The following CDK5RAP2 variants were observed in gnomAD, a reference collection of about 807,000 sequenced individuals.
CDK5RAP2 encodes CDK5 regulatory subunit-associated protein 2.
Under a neutral mutation model 232.9 loss-of-function variants are expected in CDK5RAP2, and 147 were observed. The ratio of observed to expected loss-of-function variants is 0.63; its 90% CI spans 0.55 to 0.72. The LOEUF (loss-of-function observed/expected upper bound fraction) is 0.72. CDK5RAP2 is among the 30% of genes least tolerant of loss of function. The pLI, the probability that CDK5RAP2 is intolerant of heterozygous loss-of-function variation, is 0.00. For missense variants in CDK5RAP2, 2,195 were observed against 2,231.5 expected, an observed-to-expected ratio of 0.98 and a Z score of 0.33; for synonymous variants, 833 against 833.7, an observed-to-expected ratio of 1.00 and a Z score of 0.01.
chr9:120,430,575 C>A (rs1659116384), intron 25 of CDK5RAP2, among the ~76,000 whole-genome samples: 1 of 152,148 alleles, frequency 6.6e-6, no homozygotes, highest in Non-Finnish European at 1.5e-5. Flanking sequence ...CCATCTCACA[C>A]CAGTTACAAT....
intron 9 of CDK5RAP2, 114 bp downstream of exon 9, chr9:120,528,630 C>T (rs540744777): frequency 1.5e-5 from 11 of 739,214 alleles, no homozygotes; most frequent in Non-Finnish European, 2.0e-5. Context: ...CATACAGTAG[C>T]ATTCAATGAG....
At chr9:120,559,898 T>C (rs2132120217) in intron 3 of CDK5RAP2, among the ~76,000 whole-genome samples, 1 of 152,278 alleles carries the variant, frequency 6.6e-6, no homozygotes, top group South Asian at 2.1e-4. Flanking sequence ...TCCCATTCTC[T>C]GTCAAAAGCC....
intron 15 of CDK5RAP2, among the ~76,000 whole-genome samples, chr9:120,476,977 C>CATGACCTTAT (rs1280511642): frequency 1.3e-5 from 2 of 152,200 alleles, no homozygotes; most frequent in Non-Finnish European, 2.9e-5. Flanking sequence ...TCTTAGTTTT[C>CATGACCTTAT]ATGACCTTAT....
At chr9:120,573,282 C>T (rs939888051) in intron 1 of CDK5RAP2, among the ~76,000 whole-genome samples, 6 of 152,204 alleles carry the variant, frequency 3.9e-5, no homozygotes, top group African/African-American at 1.4e-4. Context: ...GGTGCAGTGA[C>T]TCATGCCTAT....
chr9:120,442,177 T>A (rs565396700), intron 23 of CDK5RAP2, among the ~76,000 whole-genome samples: 1 of 152,334 alleles, frequency 6.6e-6, no homozygotes, highest in African/African-American at 2.4e-5. Context: ...AGTTGAGGCT[T>A]AGGGAGCTTA....
chr9:120,552,268 T>C (rs1262207241), intron 3 of CDK5RAP2, among the ~76,000 whole-genome samples: 1 of 151,890 alleles, frequency 6.6e-6, no homozygotes, highest in East Asian at 1.9e-4. Context: ...GTTCAACCAT[T>C]GTGGAAGTCA....
In CDK5RAP2 at chr9:120,419,917, A is replaced by T; in HGVS notation, c.4048T>A (p.Ser1350Thr). The T allele has an allele frequency of 6.2e-7, 1 of 1,614,058 alleles. No homozygotes were observed. The highest frequency in any genetic ancestry group is 8.5e-7 in the Non-Finnish European group (1 of 1,179,920). ...NLTYQHLLPE[S>T]PEPSASHALS... ...GCATGAGAGGCTGAAGGCTCAGGAG[A>T]TTCAGGCAGAAGATGTTGGTAGGTT... The change falls in exon 27 of 38, where the codon TCT becomes ACT. Residue 1350 changes from serine (S) to threonine (T), a missense_variant. Transcript: ENST00000349780.
chr9:120,556,251 T>G (rs2042223831), intron 3 of CDK5RAP2, among the ~76,000 whole-genome samples: 1 of 152,186 alleles, frequency 6.6e-6, no homozygotes, highest in Non-Finnish European at 1.5e-5. Flanking sequence ...GTGCATTTTA[T>G]TTTATGTAAA....
At chr9:120,442,414 T>G (rs1169867077) in intron 23 of CDK5RAP2, among the ~76,000 whole-genome samples, 1 of 152,150 alleles carries the variant, frequency 6.6e-6, no homozygotes, top group Non-Finnish European at 1.5e-5. Context: ...TCAAGGGCCT[T>G]GTGAAAAAGA....
chr9:120,530,674 G>A (rs2041109617), intron 7 of CDK5RAP2, among the ~76,000 whole-genome samples: 1 of 152,058 alleles, frequency 6.6e-6, no homozygotes, highest in South Asian at 2.1e-4. Context: ...ATACTATGCA[G>A]CCATAAAAAA....
chr9:120,466,212 T>C (rs563220817), intron 18 of CDK5RAP2, among the ~76,000 whole-genome samples: 5 of 152,222 alleles, frequency 3.3e-5, no homozygotes, highest in East Asian at 1.9e-4. Context: ...GGACAATATA[T>C]GCATTTCTGG....
At chr9:120,443,258 C>T (rs917357653) in intron 23 of CDK5RAP2, among the ~76,000 whole-genome samples, 3 of 152,114 alleles carry the variant, frequency 2.0e-5, no homozygotes, top group African/African-American at 7.2e-5. Context: ...GGCAGCCCCG[C>T]GCTGAATACT....
In CDK5RAP2 at chr9:120,407,419, C is replaced by T. The variant is rs1007779187; in HGVS notation, c.4727-171G>A. 1.1e-5 allele frequency: 7 copies of T among 653,914 alleles called. No individual in the cohort carries two copies. The African/African-American group carries it at 1.3e-4, about 12-fold the overall frequency. The allele number at this position is 653,914 out of a possible 1,614,324, so 40.5% of individuals were successfully genotyped here. A position where few individuals can be genotyped will look rare whatever the true frequency, so the allele number is the denominator to read the frequency against. On this transcript the variant is annotated intron_variant, in intron 31 of 37. Transcript: ENST00000349780. ...CTTTAGAAACAAAAATATTGGCAGA[C>T]TTAATTGCTGCTATTCCACACGCTA...
intron 29 of CDK5RAP2, among the ~76,000 whole-genome samples, chr9:120,410,269 C>T (rs1010011903): frequency 2.6e-5 from 4 of 152,154 alleles, no homozygotes; most frequent in Non-Finnish European, 4.4e-5. Context: ...CTCCCTCAAG[C>T]GCCAGACACA....
intron 11 of CDK5RAP2, among the ~76,000 whole-genome samples, chr9:120,521,664 T>TC (rs2040665234): frequency 6.7e-6 from 1 of 148,960 alleles, no homozygotes; most frequent in Non-Finnish European, 1.5e-5. Context: ...TTTTTTTTTT[T>TC]TGAGACAGTC....
At position 120,389,216 on chromosome 9, in the gene CDK5RAP2, T is replaced by G. The variant is rs773202695; in HGVS notation, c.*20A>C. On this transcript the variant is annotated 3_prime_UTR_variant, in exon 38 of 38. Transcript: ENST00000349780. Reference sequence around the variant, plus strand: ...GAGCTCGGTGGGGGAAGCACAAGCTTTATTGGCTGAAAGTTCTTCTCAGGA... The same window carrying G: ...GAGCTCGGTGGGGGAAGCACAAGCTGTATTGGCTGAAAGTTCTTCTCAGGA... The G allele has an allele frequency of 6.2e-7, 1 of 1,607,404 alleles. No homozygotes were observed.
intron 15 of CDK5RAP2, among the ~76,000 whole-genome samples, chr9:120,472,644 T>C (rs751747246): frequency 6.6e-5 from 10 of 152,122 alleles, no homozygotes; most frequent in Non-Finnish European, 8.8e-5. Context: ...CAGAAACGCA[T>C]AGTATGAGTG....
intron 22 of CDK5RAP2, among the ~76,000 whole-genome samples, chr9:120,445,873 A>C (rs1054794563): frequency 6.6e-6 from 1 of 152,142 alleles, no homozygotes; most frequent in South Asian, 2.1e-4. Context: ...TTAATTGCCT[A>C]TCTAATTATC....
chr9:120,575,168 C>T (rs2042988233), intron 1 of CDK5RAP2, among the ~76,000 whole-genome samples: 1 of 152,182 alleles, frequency 6.6e-6, no homozygotes. Flanking sequence ...TCTCGTGCCT[C>T]AGCCTCCCAA....
Sources: gnomAD v4.1 joint callset for allele counts (sites outside exome capture counted in the v4.1 genomes callset) on GRCh38, gnomAD v4.1.1 for gene constraint, MANE v1.5 for transcripts, NCBI Gene and HGNC (gene_info 2026-07-23, HGNC 2026-07-21) for gene names.